Variants in ANKMY2 observed in about 807,000 individuals in gnomAD.
ANKMY2 encodes the protein ankyrin repeat and MYND domain containing 2.
ANKMY2 carries 36 observed loss-of-function variants against 50.4 expected under a neutral mutation model. The ratio of observed to expected loss-of-function variants is 0.71; its 90% CI spans 0.55 to 0.94. The LOEUF is 0.94. Ranked by LOEUF, ANKMY2 falls within the 40% of genes least tolerant of loss-of-function variation. The probability of loss-of-function intolerance (pLI) is 0.00; values close to 1 mark genes in which losing one functional copy is unlikely to be tolerated. For synonymous variants in ANKMY2, 187 were observed against 178.8 expected (o/e 1.05, Z -0.36); for missense variants, 565 against 524.0 (o/e 1.08, Z -0.76).
chr7:16,632,669 T>C (rs1781605534), intron 2 of ANKMY2, among the ~76,000 whole-genome samples: 1 of 152,276 alleles, frequency 6.6e-6, no homozygotes, highest in African/African-American at 2.4e-5. Context: ...AACATTTGGG[T>C]TGTATCTACC....
At chr7:16,619,129 C>T (rs1375171706) in intron 4 of ANKMY2, among the ~76,000 whole-genome samples, 1 of 151,074 alleles carries the variant, frequency 6.6e-6, no homozygotes, top group African/African-American at 2.4e-5. Flanking sequence ...GATACTGTCA[C>T]AAGACTAAGG....
chr7:16,614,105 C>T (rs1781302248), intron 5 of ANKMY2, among the ~76,000 whole-genome samples: 1 of 152,130 alleles, frequency 6.6e-6, no homozygotes, highest in South Asian at 2.1e-4. Flanking sequence ...ACATTCTCTA[C>T]ATTGAGAAAT....
Position 16,610,570 on chromosome 7 carries a change from T to G in ANKMY2, c.725A>C (p.Lys242Thr), listed in dbSNP as rs1188797209. The G allele has an allele frequency of 6.2e-7, 1 of 1,613,478 alleles. No individual in the cohort carries two copies. The highest frequency in any genetic ancestry group is 8.5e-7 in the Non-Finnish European group (1 of 1,179,548). ...GTACCTTTTGATCAAGGTGTCCAGT[T>G]TATTCTCTCCATCTTTTAAGAAGTT... is the stretch of plus-strand genomic sequence containing the variant. ...CINFLKDGENKLDTLIKSLLK... is the reference protein window; with the variant it reads ...CINFLKDGENTLDTLIKSLLK... Residue 242 changes from lysine (K) to threonine (T), a missense_variant, in exon 6 of 10, where the codon AAA becomes ACA. Physicochemically the swap from Lys to Thr is moderately conservative, Grantham distance 78 (BLOSUM62 -1). Coordinates refer to ENST00000306999, the MANE Select transcript of ANKMY2 (RefSeq NM_020319.3).
intron 4 of ANKMY2, among the ~76,000 whole-genome samples, chr7:16,619,196 C>T (rs1363780369): frequency 6.6e-6 from 1 of 151,048 alleles, no homozygotes; most frequent in Non-Finnish European, 1.5e-5. Flanking sequence ...TCTTTTTGCC[C>T]AGGCTAGAGT....
chr7:16,636,181 T>C (rs1196628434), intron 2 of ANKMY2, among the ~76,000 whole-genome samples: 1 of 151,604 alleles, frequency 6.6e-6, no homozygotes, highest in African/African-American at 2.4e-5. Context: ...TGGGTGACTG[T>C]AATCCCAGCT....
At chr7:16,619,878 G>T (rs548728070) in intron 4 of ANKMY2, among the ~76,000 whole-genome samples, 1 of 152,176 alleles carries the variant, frequency 6.6e-6, no homozygotes, top group African/African-American at 2.4e-5. Flanking sequence ...TACTTTCAAG[G>T]ATAAACTGAA....
At chr7:16,636,529 T>A in intron 1 of ANKMY2, 74 bp from the exon 2 acceptor site, 1 of 1,230,134 alleles carries the variant, frequency 8.1e-7, no homozygotes, top group East Asian at 2.6e-5. Flanking sequence ...ATCAAGGAAA[T>A]AAACCTTAAG....
intron 2 of ANKMY2, 149 bp from the exon 3 acceptor site, chr7:16,627,327 T>G (rs11533917): frequency 0.17 from 83,713 of 502,162 alleles, 7,989 homozygotes; most frequent in Middle Eastern, 0.2. Context: ...TTCCACACTT[T>G]GATCTTCCAT....
At chr7:16,615,559 G>A (rs938214595) in intron 5 of ANKMY2, among the ~76,000 whole-genome samples, 185 bp downstream of exon 5, 3 of 152,054 alleles carry the variant, frequency 2.0e-5, no homozygotes, top group African/African-American at 7.2e-5. Context: ...TTTCTCTCTC[G>A]CTCACTCACT....
chr7:16,603,538 T>A, intron 8 of ANKMY2: 1 of 444,662 alleles, frequency 2.2e-6, no homozygotes, highest in Non-Finnish European at 4.7e-6. Context: ...TGAATGTTAT[T>A]AAACACTTAC....
chr7:16,612,517 C>T (rs999872361), intron 5 of ANKMY2, among the ~76,000 whole-genome samples: 1 of 152,102 alleles, frequency 6.6e-6, no homozygotes, highest in African/African-American at 2.4e-5. Flanking sequence ...TCTGTTTATA[C>T]TTCTGCTAAT....
At chr7:16,617,443 C>T (rs1781371674) in intron 4 of ANKMY2, among the ~76,000 whole-genome samples, 1 of 152,186 alleles carries the variant, frequency 6.6e-6, no homozygotes, top group African/African-American at 2.4e-5. Flanking sequence ...TCCAGCAATT[C>T]TGAAGACTAC....
chr7:16,617,192 A>C (rs1781367785), intron 4 of ANKMY2, among the ~76,000 whole-genome samples: 1 of 152,106 alleles, frequency 6.6e-6, no homozygotes, highest in Non-Finnish European at 1.5e-5. Flanking sequence ...CACATTTCTA[A>C]ATTTCCCCAC....
chr7:16,638,163 C>T (rs972045615), intron 1 of ANKMY2, among the ~76,000 whole-genome samples: 2 of 152,220 alleles, frequency 1.3e-5, no homozygotes, highest in Non-Finnish European at 2.9e-5. Flanking sequence ...AGCAATTCTC[C>T]ATTGGACACC....
chr7:16,630,386 T>C (rs751363783), intron 2 of ANKMY2, among the ~76,000 whole-genome samples: 6 of 152,338 alleles, frequency 3.9e-5, no homozygotes, highest in Non-Finnish European at 7.4e-5. Context: ...CCTCACGTCC[T>C]TGTCATTTCC....
chr7:16,601,783 C>A (rs1000084607), intron 9 of ANKMY2, among the ~76,000 whole-genome samples: 1 of 152,144 alleles, frequency 6.6e-6, no homozygotes, highest in Non-Finnish European at 1.5e-5. Flanking sequence ...CCTCTCCAAT[C>A]TGATAATCAC....
chr7:16,613,391 A>G (rs1210222915), intron 5 of ANKMY2, among the ~76,000 whole-genome samples: 1 of 152,184 alleles, frequency 6.6e-6, no homozygotes, highest in Admixed American at 6.5e-5. Flanking sequence ...AAGGGGGTAG[A>G]GCAATAAAAA....
At position 16,600,883 on chromosome 7, in the gene ANKMY2, T is replaced by A. The variant is rs1427038748; in HGVS notation, c.1204A>T (p.Ile402Phe). The A allele has an allele frequency of 6.2e-7, 1 of 1,612,796 alleles. No homozygotes were observed. Among genetic ancestry groups the A allele is most frequent in the South Asian group, 1.1e-5 (1 of 90,864 alleles). Residue 402 changes from isoleucine to phenylalanine, a missense_variant, in exon 10 of 10, where the codon ATC (isoleucine) becomes TTC (phenylalanine). Ile to Phe is a conservative substitution (Grantham distance 21, BLOSUM62 0). Coordinates refer to ENST00000306999, the MANE Select transcript of ANKMY2 (RefSeq NM_020319.3). ...NEEQPEAEVG[I>F]SQKDSNPEDS... ...TCAGGATTGGAATCCTTTTGAGAGA[T>A]ACCTACTTCAGCCTCTGGTTGCTCT...
chr7:16,643,379 A>G (rs1313481718), intron 1 of ANKMY2, among the ~76,000 whole-genome samples: 1 of 152,220 alleles, frequency 6.6e-6, no homozygotes, highest in Non-Finnish European at 1.5e-5. Context: ...AACGTTGGCT[A>G]TGGTTGTTTT....
Sources: allele counts gnomAD v4.1 joint callset (sites outside exome capture counted in the v4.1 genomes callset), GRCh38; gene constraint gnomAD v4.1.1; transcripts MANE v1.5; gene names NCBI Gene and HGNC (gene_info 2026-07-23, HGNC 2026-07-21).